The following CDCP2 variants were observed in gnomAD, a reference collection of about 807,000 sequenced individuals.
CDCP2 encodes the protein CUB domain containing protein 2.
In CDCP2, 31 loss-of-function variants were observed where a neutral mutation model predicts 31.0. That is an observed-to-expected ratio of 1.00 (90% CI 0.75 to 1.35). The LOEUF (loss-of-function observed/expected upper bound fraction) is 1.35, where lower values mean the gene tolerates loss of function less well. Among genes scored for constraint, CDCP2 ranks in the 40% most tolerant of loss-of-function variants. CDCP2 has a pLI of 0.00. For synonymous variants in CDCP2, 206 were observed against 207.9 expected (o/e 0.99, Z 0.08); for missense variants, 443 against 482.6 (o/e 0.92, Z 0.77).
intron 1 of CDCP2, among the ~76,000 whole-genome samples, chr1:54,148,737 T>C (rs1004508160): frequency 6.6e-6 from 1 of 150,904 alleles, no homozygotes; most frequent in African/African-American, 2.5e-5. Context: ...ACTGTTGTAC[T>C]AAAAGAGTCA....
In CDCP2 at chr1:54,144,228, T is replaced by C. The variant is rs545657298; in HGVS notation, c.427+238A>G. On this transcript the variant is annotated intron_variant, in intron 2 of 5. Coordinates refer to ENST00000530059, the Ensembl canonical transcript of CDCP2. ...GAGGCTGCTTTTGCCTTATAAACTATGCATGAGAGCTGGGTCCTGCAGGTT... is the reference window on the plus strand; with the variant it reads ...GAGGCTGCTTTTGCCTTATAAACTACGCATGAGAGCTGGGTCCTGCAGGTT... 3.5e-5 allele frequency: 17 copies of C among 479,438 alleles called. No individual in the cohort carries two copies. The Middle Eastern group carries it at 1.6e-3, about 46-fold the overall frequency. 29.7% of individuals were successfully genotyped at this position (479,438 alleles called of 1,614,324 possible). A position where few individuals can be genotyped will look rare whatever the true frequency, so the allele number is the denominator to read the frequency against.
At chr1:54,147,159 G>C (rs1302982086) in intron 1 of CDCP2, among the ~76,000 whole-genome samples, 1 of 147,638 alleles carries the variant, frequency 6.8e-6, no homozygotes, top group Non-Finnish European at 1.5e-5. Context: ...TACAATTCGA[G>C]CATCAAAAGA....
chr1:54,145,845 T>C (rs1251744560), intron 1 of CDCP2, among the ~76,000 whole-genome samples: 1 of 152,192 alleles, frequency 6.6e-6, no homozygotes, highest in African/African-American at 2.4e-5. Context: ...TATAAAATAC[T>C]TTATATAATT....
intron 1 of CDCP2, among the ~76,000 whole-genome samples, chr1:54,146,707 G>A (rs1057484883): frequency 6.6e-6 from 1 of 151,778 alleles, no homozygotes; most frequent in East Asian, 1.9e-4. Context: ...CTGGTACCAG[G>A]TTTAATACAG....
At chr1:54,141,691 GA>G in intron 2 of CDCP2, 1 of 375,984 alleles carries the variant, frequency 2.7e-6, no homozygotes, top group East Asian at 4.2e-5. Context: ...TTATAATTAA[GA>G]AAAGGGAGGC....
chr1:54,140,870 T>C (rs778958625), intron 3 of CDCP2: 31 of 423,528 alleles, frequency 7.3e-5, no homozygotes, highest in Admixed American at 1.2e-4. Context: ...AAAACTTATA[T>C]AAGGAGTTGA....
chr1:54,142,640 T>C (rs530793584), intron 2 of CDCP2: 22 of 152,378 alleles, frequency 1.4e-4, no homozygotes, highest in African/African-American at 5.0e-4. Context: ...TGACCAGGGC[T>C]CTGGATGGGG....
exon 4 of CDCP2, chr1:54,139,805 CAGCAGA>C: frequency 6.2e-7 from 1 of 1,614,182 alleles, no homozygotes; most frequent in Non-Finnish European, 8.5e-7. Context: ...GGTCTGTGTG[CAGCAGA>C]AGCAGAAGCT....
chr1:54,136,486 A>G (rs772342474), intron 5 of CDCP2, 144 bp downstream of exon 5: 10 of 397,470 alleles, frequency 2.5e-5, no homozygotes, highest in Non-Finnish European at 4.0e-5. Context: ...TGGTTGAGGT[A>G]AGTAAAGCCA....
At chr1:54,149,290 T>C (rs1316292825) in intron 1 of CDCP2, among the ~76,000 whole-genome samples, 2 of 151,852 alleles carry the variant, frequency 1.3e-5, no homozygotes, top group Non-Finnish European at 1.5e-5. Context: ...TGAGGTTATA[T>C]ACAGTTTTAT....
chr1:54,137,663 A>ATG (rs113860529), intron 4 of CDCP2: 73,864 of 144,648 alleles, frequency 0.51, 20,127 homozygotes, highest in Non-Finnish European at 0.62. Context: ...TTGGGTGAGC[A>ATG]TGTGTGTGTG....
chr1:54,144,444 G>C (rs1272916906), intron 2 of CDCP2, 22 bp downstream of exon 2: 1 of 1,543,608 alleles, frequency 6.5e-7, no homozygotes, highest in Non-Finnish European at 8.8e-7. Flanking sequence ...ACTGCAACAG[G>C]TCCCTAAGGC....
exon 6 of CDCP2, chr1:54,132,981 A>G (rs1659191099): frequency 5.0e-6 from 2 of 398,990 alleles, no homozygotes; most frequent in South Asian, 2.5e-4. Flanking sequence ...AAGCAGCATC[A>G]AGACCACGAT....
At position 54,144,454 on chromosome 1, in the gene CDCP2, C is replaced by G. The variant is rs781116864; in HGVS notation, c.427+12G>C. On this transcript the variant is annotated intron_variant, in intron 2 of 5. Transcript: ENST00000530059. ...GAGCCACTGCAACAGGTCCCTAAGG[C>G]CCCCCGTTGACCTTTCTGGTAGCCC... is the stretch of plus-strand genomic sequence containing the variant. The G allele has an allele frequency of 6.4e-7, 1 of 1,554,700 alleles. No individual in the cohort carries two copies. The highest frequency in any genetic ancestry group is 8.7e-7 in the Non-Finnish European group (1 of 1,147,720).
chr1:54,132,850 C>T (rs967538064), downstream of CDCP2: 8 of 397,498 alleles, frequency 2.0e-5, no homozygotes, highest in South Asian at 1.4e-4. Flanking sequence ...AATGGAGGCT[C>T]AGAGAGGGAT....
At chr1:54,152,593 T>TG (rs532542221) in intron 1 of CDCP2, among the ~76,000 whole-genome samples, 8 of 152,182 alleles carry the variant, frequency 5.3e-5, no homozygotes, top group Non-Finnish European at 8.8e-5. Context: ...ATCTGGAAAA[T>TG]GGGGGACTAA....
intron 5 of CDCP2, among the ~76,000 whole-genome samples, chr1:54,135,991 C>A (rs1557704924): frequency 6.6e-6 from 1 of 152,186 alleles, no homozygotes; most frequent in Non-Finnish European, 1.5e-5. Context: ...GGTGCTTGAG[C>A]CACTGCCCAG....
At chr1:54,146,820 G>T (rs563585630) in intron 1 of CDCP2, among the ~76,000 whole-genome samples, 1 of 151,748 alleles carries the variant, frequency 6.6e-6, no homozygotes, top group African/African-American at 2.4e-5. Flanking sequence ...CTGGCCAGGC[G>T]CAGTGGCTCA....
chr1:54,148,235 T>A (rs573711217), intron 1 of CDCP2, among the ~76,000 whole-genome samples: 1 of 150,238 alleles, frequency 6.7e-6, no homozygotes, highest in African/African-American at 2.5e-5. Context: ...CAAATAAAAA[T>A]TTTTATAATT....
Sources: allele counts gnomAD v4.1 joint callset (sites outside exome capture counted in the v4.1 genomes callset), GRCh38; gene constraint gnomAD v4.1.1; transcripts MANE v1.5; gene names NCBI Gene and HGNC (gene_info 2026-07-23, HGNC 2026-07-21).